Variants in ODAD4 observed in about 807,000 individuals in gnomAD.
ODAD4 encodes the protein outer dynein arm-docking complex subunit 4.
Under a neutral mutation model 51.8 loss-of-function variants are expected in ODAD4, and 49 were observed. The ratio of observed to expected loss-of-function variants is 0.95; its 90% CI spans 0.75 to 1.20. ODAD4 has a LOEUF of 1.20. Among genes scored for constraint, ODAD4 ranks in the 50% most tolerant of loss-of-function variants. The pLI is 0.00. For missense variants in ODAD4, 590 were observed against 586.5 expected, an observed-to-expected ratio of 1.01 and a Z score of -0.06; for synonymous variants, 235 against 221.3, an observed-to-expected ratio of 1.06 and a Z score of -0.55.
intron 11 of ODAD4, among the ~76,000 whole-genome samples, chr17:41,961,890 G>C (rs1555641804): frequency 6.6e-6 from 1 of 152,186 alleles, no homozygotes; most frequent in African/African-American, 2.4e-5. Flanking sequence ...GCTGCCATGA[G>C]GGTGCATGCA....
At position 41,939,127 on chromosome 17, in the gene ODAD4, C is replaced by G; in HGVS notation, c.1013C>G (p.Ala338Gly). Residue 338 changes from alanine to glycine, a missense_variant, in exon 7 of 12, where the codon GCA becomes GGA. Physicochemically the swap from Ala to Gly is moderately conservative, Grantham distance 60. This residue lies in a region of ODAD4 where 4 missense variants were observed against 16.3 expected (regional missense o/e 0.25). Coordinates refer to ENST00000377540, the MANE Select transcript of ODAD4 (RefSeq NM_031421.5). ...NAQIELGQME[A>G]ALQSHRKDLE... ...CAGATTGAGCTGGGGCAGATGGAGG[C>G]AGCCCTGCAGAGCCACAGAAAGGAC... 6.2e-7 allele frequency: 1 copy of G among 1,613,962 alleles called. No individual in the cohort carries two copies. The highest frequency in any genetic ancestry group is 8.5e-7 in the Non-Finnish European group (1 of 1,179,880).
At chr17:41,949,013 T>C (rs1337210741) in intron 8 of ODAD4, 140 bp from the exon 9 acceptor site, 1 of 396,238 alleles carries the variant, frequency 2.5e-6, no homozygotes, top group Non-Finnish European at 4.4e-6. Flanking sequence ...TTTATGCTTA[T>C]GAACTCCACC....
intron 1 of ODAD4, among the ~76,000 whole-genome samples, chr17:41,932,075 TTTG>T (rs1414163170): frequency 2.0e-5 from 3 of 151,730 alleles, no homozygotes; most frequent in African/African-American, 4.8e-5. Context: ...AGACTGGATT[TTTG>T]TTGTTGTTAA....
chr17:41,932,646 G>A (rs1464491599), intron 1 of ODAD4, among the ~76,000 whole-genome samples: 2 of 151,744 alleles, frequency 1.3e-5, no homozygotes, highest in African/African-American at 4.8e-5. Flanking sequence ...CTGAGCTCAA[G>A]TGATCCTCCC....
In ODAD4 at chr17:41,965,423, A is replaced by G. The variant is rs375459379; in HGVS notation, c.1959A>G (p.Gln653=). The G allele has an allele frequency of 1.2e-5, 9 of 777,476 alleles. No individual in the cohort carries two copies. Among genetic ancestry groups the G allele is most frequent in the East Asian group, 4.8e-5 (2 of 41,256 alleles). 48.2% of individuals were successfully genotyped at this position (777,476 alleles called of 1,614,324 possible). A position where few individuals can be genotyped will look rare whatever the true frequency, so the allele number is the denominator to read the frequency against. The part of the protein sequence containing the change: ...RREPEELGKT[Q]FGEIGETKKT... Reference sequence around the variant, plus strand: ...AGCCAGAAGAACTGGGAAAAACACAATTTGGAGAAATAGGAGAAACGAAAA... The same window carrying G: ...AGCCAGAAGAACTGGGAAAAACACAGTTTGGAGAAATAGGAGAAACGAAAA... Residue 653 remains glutamine (Q), a synonymous_variant, in exon 12 of 12, where the codon CAA becomes CAG. Coordinates refer to ENST00000377540, the MANE Select transcript of ODAD4 (RefSeq NM_031421.5).
Position 41,936,743 on chromosome 17 carries a change from T to C in ODAD4, c.460-19T>C. On this transcript the variant is annotated intron_variant, in intron 4 of 11. Coordinates refer to ENST00000377540, the MANE Select transcript of ODAD4 (RefSeq NM_031421.5). ...TGCTCCTTGCTGAAGCTCTGTTGGGTGTTGCTCCATTTTCTCAGAATATAA... is the reference window on the plus strand; with the variant it reads ...TGCTCCTTGCTGAAGCTCTGTTGGGCGTTGCTCCATTTTCTCAGAATATAA... 6.2e-7 allele frequency: 1 copy of C among 1,613,376 alleles called. No homozygotes were observed. Among genetic ancestry groups the C allele is most frequent in the Non-Finnish European group, 8.5e-7 (1 of 1,179,564 alleles).
rs375580840 is a variant in ODAD4, at chr17:41,936,036, T to C, written c.397+287T>C. 1.1e-4 allele frequency among the ~76,000 whole-genome samples: 17 copies of C among 152,334 alleles called. No homozygotes were observed. In the East Asian group the frequency reaches 2.9e-3, roughly 26 times the overall value. ...AGGGCTGTTTCAAAGTAGGCCTGTCTTTAGCCTGGTGTCAAAAGCTATAAT... is the reference window on the plus strand; with the variant it reads ...AGGGCTGTTTCAAAGTAGGCCTGTCCTTAGCCTGGTGTCAAAAGCTATAAT... On this transcript the variant is annotated intron_variant, in intron 3 of 11. Transcript: ENST00000377540.
chr17:41,965,089 G>C lies in ODAD4; in HGVS notation c.1625G>C (p.Ser542Thr). 1 of 768,832 alleles carries C rather than the reference G, an allele frequency of 1.3e-6. No individual in the cohort carries two copies. Among genetic ancestry groups the C allele is most frequent in the East Asian group, 2.4e-5 (1 of 40,850 alleles). 47.6% of individuals were successfully genotyped at this position (768,832 alleles called of 1,614,324 possible). A position where few individuals can be genotyped will look rare whatever the true frequency, so the allele number is the denominator to read the frequency against. ...AAGGTGGTGAAGCAGTGGGACCATA[G>C]TGAGGATGAGAAAGAGACAGATGAG... The part of the protein sequence containing the change: ...PEKVVKQWDH[S>T]EDEKETDEDD... Residue 542 changes from serine (S) to threonine (T), a missense_variant, in exon 12 of 12, where the codon AGT becomes ACT. Ser to Thr is a moderately conservative substitution (Grantham distance 58). Around this residue, in one of 3 missense-constraint regions of ODAD4, gnomAD observed 226 missense variants for 162.7 expected, o/e 1.39. Transcript: ENST00000377540.
At chr17:41,944,881 A>G (rs1220888295) in intron 7 of ODAD4, among the ~76,000 whole-genome samples, 5 of 152,178 alleles carry the variant, frequency 3.3e-5, no homozygotes, top group Admixed American at 2.0e-4. Flanking sequence ...GTAGATTCCT[A>G]GAAAGGCAAT....
At chr17:41,953,515 T>C (rs1252501564) in intron 9 of ODAD4, among the ~76,000 whole-genome samples, 4 of 152,010 alleles carry the variant, frequency 2.6e-5, no homozygotes, top group Non-Finnish European at 5.9e-5. Context: ...CTTTCTCCTT[T>C]ATGAAGCTCT....
intron 3 of ODAD4, among the ~76,000 whole-genome samples, chr17:41,936,269 A>G (rs1193228148): frequency 6.6e-6 from 1 of 152,200 alleles, no homozygotes; most frequent in Non-Finnish European, 1.5e-5. Context: ...TCTGGCTGCC[A>G]TAGCCTTGGG....
chr17:41,963,870 T>A (rs1466105623), intron 11 of ODAD4, among the ~76,000 whole-genome samples: 1 of 143,848 alleles, frequency 7.0e-6, no homozygotes, highest in African/African-American at 2.6e-5. Context: ...CCTCCCAAAG[T>A]GCTGGGATTA....
At chr17:41,935,078 T>C (rs2050405281) in intron 1 of ODAD4, 139 bp from the exon 2 acceptor site, 1 of 998,992 alleles carries the variant, frequency 1.0e-6, no homozygotes. Context: ...GCCTGAAGAA[T>C]CCCCTTGATT....
intron 7 of ODAD4, 75 bp from the exon 8 acceptor site, chr17:41,945,061 G>A (rs925810225): frequency 6.9e-5 from 84 of 1,218,134 alleles, no homozygotes; most frequent in Non-Finnish European, 9.9e-5. Flanking sequence ...TCCTGTCTTT[G>A]CCTTCTTTCC....
At chr17:41,933,350 C>CAAAA (rs34740606) in intron 1 of ODAD4, among the ~76,000 whole-genome samples, 1 of 74,728 alleles carries the variant, frequency 1.3e-5, no homozygotes. Flanking sequence ...AACTCTGTCT[C>CAAAA]AAAAAAAAAA....
intron 8 of ODAD4, among the ~76,000 whole-genome samples, chr17:41,946,649 G>A (rs1555639617): frequency 6.6e-6 from 1 of 151,348 alleles, no homozygotes; most frequent in Non-Finnish European, 1.5e-5. Context: ...TTTATTTTAT[G>A]TTATGTTATG....
At chr17:41,953,006 G>A (rs1365137433) in intron 9 of ODAD4, among the ~76,000 whole-genome samples, 1 of 152,068 alleles carries the variant, frequency 6.6e-6, no homozygotes, top group Non-Finnish European at 1.5e-5. Context: ...CAAAATGCTG[G>A]GATTACAGGC....
At chr17:41,945,894 C>G (rs2050578644) in intron 8 of ODAD4, among the ~76,000 whole-genome samples, 1 of 105,304 alleles carries the variant, frequency 9.5e-6, no homozygotes, top group African/African-American at 2.9e-5. Context: ...GAGCAAGATA[C>G]AGTCTCAAAA....
intron 7 of ODAD4, 41 bp from the exon 8 acceptor site, chr17:41,945,095 C>A: frequency 6.6e-7 from 1 of 1,519,952 alleles, no homozygotes; most frequent in Non-Finnish European, 9.1e-7. Flanking sequence ...CCTAGAACAG[C>A]TGATTTCTAG....
Sources: gnomAD v4.1 joint callset for allele counts (sites outside exome capture counted in the v4.1 genomes callset) on GRCh38, gnomAD v4.1.1 for gene constraint, gnomAD v4.1.1 regional missense constraint, MANE v1.5 for transcripts, NCBI Gene and HGNC (gene_info 2026-07-23, HGNC 2026-07-21) for gene names.